SLC6A6: variants seen among roughly 807,000 people sequenced by gnomAD.
SLC6A6 encodes the protein sodium- and chloride-dependent taurine transporter.
Under a neutral mutation model 68.8 loss-of-function variants are expected in SLC6A6, and 16 were observed. The ratio of observed to expected loss-of-function variants is 0.23; its 90% confidence interval spans 0.16 to 0.35. The LOEUF is 0.35. Among genes scored for constraint, SLC6A6 ranks in the 10% least tolerant of loss-of-function variants. The probability of loss-of-function intolerance (pLI) is 1.00; values close to 1 mark genes in which losing one functional copy is unlikely to be tolerated. For synonymous variants in SLC6A6, 312 were observed against 315.4 expected, an observed-to-expected ratio of 0.99 and a Z score of 0.12; for missense variants, 474 against 802.8, an observed-to-expected ratio of 0.59 and a Z score of 4.95.
chr3:14,467,936 G>A lies in SLC6A6; in HGVS notation c.951G>A (p.Lys317=). The A allele has an allele frequency of 1.9e-6, 3 of 1,613,488 alleles. No homozygotes were observed. Among genetic ancestry groups the A allele is most frequent in the East Asian group, 2.2e-5 (1 of 44,882 alleles). ...TGACCTCGCTGGGGAGCTACAACAA[G>A]TACAAGTATAACTCGTACAGGCAAG... is the stretch of plus-strand genomic sequence containing the variant. The part of the protein sequence containing the change: ...GAMTSLGSYN[K]YKYNSYRDCM... The change falls in exon 8 of 15, where the codon AAG becomes AAA. Residue 317 remains lysine, a synonymous_variant. Coordinates refer to ENST00000622186, the MANE Select transcript of SLC6A6 (RefSeq NM_003043.6).
intron 6 of SLC6A6, among the ~76,000 whole-genome samples, chr3:14,464,379 TA>T (rs1480098857): frequency 6.6e-6 from 1 of 152,162 alleles, no homozygotes; most frequent in Non-Finnish European, 1.5e-5. Context: ...GCCTCAGTTT[TA>T]TTGTTGCAAA....
intron 2 of SLC6A6, among the ~76,000 whole-genome samples, chr3:14,437,934 T>G (rs542151973): frequency 9.3e-4 from 141 of 151,966 alleles, no homozygotes; most frequent in African/African-American, 3.3e-3. Context: ...TTCCAGCGAT[T>G]CTTCTGCCGT....
intron 1 of SLC6A6, among the ~76,000 whole-genome samples, chr3:14,415,720 G>C (rs6800005): frequency 0.11 from 17,289 of 151,658 alleles, 1,496 homozygotes; most frequent in African/African-American, 0.24. Context: ...GAACCCCCCC[G>C]CTCCAAAAAA....
chr3:14,416,543 C>T (rs1479736523), intron 2 of SLC6A6, 90 bp downstream of exon 2: 2 of 397,970 alleles, frequency 5.0e-6, no homozygotes, highest in Non-Finnish European at 8.9e-6. Flanking sequence ...CGTGTCTCCC[C>T]CAGGCTCTAG....
chr3:14,473,631 A>AG (rs1273463468), intron 10 of SLC6A6, among the ~76,000 whole-genome samples: 1 of 152,152 alleles, frequency 6.6e-6, no homozygotes, highest in African/African-American at 2.4e-5. Context: ...TTGGCAGAGA[A>AG]GGGGGCAGGA....
At chr3:14,406,744 A>G (rs1699118497) in intron 1 of SLC6A6, among the ~76,000 whole-genome samples, 1 of 152,202 alleles carries the variant, frequency 6.6e-6, no homozygotes, top group African/African-American at 2.4e-5. Context: ...AGTTAGGGTT[A>G]CGAGAGGGAA....
At chr3:14,409,708 C>T (rs889476192) in intron 1 of SLC6A6, among the ~76,000 whole-genome samples, 4 of 152,244 alleles carry the variant, frequency 2.6e-5, no homozygotes, top group Non-Finnish European at 5.9e-5. Flanking sequence ...TATGCCAAGG[C>T]AGGCCAAGGA....
intron 2 of SLC6A6, among the ~76,000 whole-genome samples, chr3:14,437,350 A>G (rs1699880583): frequency 6.6e-6 from 1 of 151,852 alleles, no homozygotes; most frequent in Non-Finnish European, 1.5e-5. Context: ...CTTGACCTCC[A>G]AGGCTCAAGT....
chr3:14,415,927 G>A (rs1344201734), intron 1 of SLC6A6, among the ~76,000 whole-genome samples: 1 of 152,198 alleles, frequency 6.6e-6, no homozygotes, highest in South Asian at 2.1e-4. Flanking sequence ...TGAGCTGGTG[G>A]GGCGCTCAGG....
chr3:14,479,264 C>A, intron 13 of SLC6A6, 79 bp downstream of exon 13: 1 of 899,478 alleles, frequency 1.1e-6, no homozygotes, highest in Non-Finnish European at 1.9e-6. Flanking sequence ...AACCATCTTT[C>A]ATGCAGCATC....
chr3:14,451,603 G>A (rs1700252533), intron 5 of SLC6A6, among the ~76,000 whole-genome samples: 1 of 152,198 alleles, frequency 6.6e-6, no homozygotes, highest in African/African-American at 2.4e-5. Context: ...AAGGGAGGTG[G>A]TGTGACTGAA....
rs747634280 is a variant in SLC6A6 at position 14,481,229 on chromosome 3, T to G, written c.1552-442T>G. 6.7e-6 allele frequency among the ~76,000 whole-genome samples: 1 copy of G among 148,478 alleles called. No homozygotes were observed. Among genetic ancestry groups the G allele is most frequent in the Non-Finnish European group, 1.5e-5 (1 of 67,054 alleles). On this transcript the variant is annotated intron_variant, in intron 13 of 14. Transcript: ENST00000622186. The surrounding 1 kb of genome is among the most constrained non-coding windows in gnomAD (Gnocchi z 4.7). ...GCCTGGGCAAGTAAGGCAGACCCAG[T>G]GGAGCCAAGTTAGGATGAGAAGATG...
intron 6 of SLC6A6, among the ~76,000 whole-genome samples, chr3:14,460,179 G>A (rs1199083750): frequency 6.6e-6 from 1 of 152,048 alleles, no homozygotes; most frequent in Non-Finnish European, 1.5e-5. Context: ...AGCCTCTACC[G>A]TGTGCCAGGT....
chr3:14,448,168 C>G, intron 5 of SLC6A6: 1 of 847,626 alleles, frequency 1.2e-6, no homozygotes, highest in Non-Finnish European at 1.5e-6. Flanking sequence ...AAAATATATT[C>G]TGTTATTGCA....
rs568948263 is a variant in SLC6A6, at chr3:14,462,069, T to A, written c.732+3987T>A. On this transcript the variant is annotated intron_variant, in intron 6 of 14. Transcript: ENST00000622186. ...AGCCACGGAGGTTCACCAGCAAGAG[T>A]GGAAAAATACCACGTCCCACAGCAA... is the stretch of plus-strand genomic sequence containing the variant. 2.0e-3 allele frequency among the ~76,000 whole-genome samples: 299 copies of A among 151,714 alleles called. 1 individual carries two copies. The highest frequency in any genetic ancestry group is 3.6e-3 in the Non-Finnish European group (244 of 67,920).
rs80188483 is a variant in SLC6A6 at position 14,430,733 on chromosome 3, C to T, written c.-11-12891C>T. 3.4e-3 allele frequency among the ~76,000 whole-genome samples: 516 copies of T among 152,354 alleles called. 5 individuals are homozygous for T. The highest frequency in any genetic ancestry group is 0.026 in the East Asian group (133 of 5,192). On this transcript the variant is annotated intron_variant, in intron 2 of 14. Transcript: ENST00000622186. Reference sequence around the variant, plus strand: ...AGAAGAGCTTATGTTCAGCCTCTGGCGTCCACTGTATCCCACCAAGTTGGG... The same window carrying T: ...AGAAGAGCTTATGTTCAGCCTCTGGTGTCCACTGTATCCCACCAAGTTGGG...
chr3:14,408,481 C>G (rs976136856), intron 1 of SLC6A6, among the ~76,000 whole-genome samples: 1 of 151,990 alleles, frequency 6.6e-6, no homozygotes, highest in African/African-American at 2.4e-5. Context: ...ACTACCGGCA[C>G]GTGCCATTAT....
At chr3:14,406,425 C>A (rs556560970) in intron 1 of SLC6A6, among the ~76,000 whole-genome samples, 1 of 152,268 alleles carries the variant, frequency 6.6e-6, no homozygotes, top group South Asian at 2.1e-4. Context: ...CCAGGAGAAC[C>A]CTGATGGTGA....
intron 1 of SLC6A6, among the ~76,000 whole-genome samples, chr3:14,415,018 C>T (rs1354550031): frequency 1.3e-5 from 2 of 152,234 alleles, no homozygotes; most frequent in African/African-American, 4.8e-5. Context: ...GTTGCTACTT[C>T]CACCACCCAA....
Sources: gnomAD v4.1 joint callset for allele counts (sites outside exome capture counted in the v4.1 genomes callset) on GRCh38, gnomAD v4.1.1 for gene constraint, Gnocchi (gnomAD v3.1) non-coding constraint, MANE v1.5 for transcripts, NCBI Gene and HGNC (gene_info 2026-07-23, HGNC 2026-07-21) for gene names.